MRTFB: variants seen among roughly 807,000 people sequenced by gnomAD.
MRTFB encodes the protein myocardin-related transcription factor B.
A neutral mutation model predicts 104.2 loss-of-function variants in MRTFB; 29 were observed. That is an observed-to-expected ratio of 0.28 (90% confidence interval 0.21 to 0.38). MRTFB has a LOEUF of 0.38. Ranked by LOEUF, MRTFB falls within the 10% of genes least tolerant of loss-of-function variation. The probability of loss-of-function intolerance (pLI) is 1.00; values close to 1 mark genes in which losing one functional copy is unlikely to be tolerated. For missense variants in MRTFB, 1,270 were observed against 1,341.6 expected (o/e 0.95, Z 0.83); for synonymous variants, 535 against 519.5 (o/e 1.03, Z -0.41).
intron 2 of MRTFB, among the ~76,000 whole-genome samples, chr16:14,086,256 C>A (rs960173019): frequency 1.6e-4 from 25 of 152,248 alleles, no homozygotes; most frequent in Non-Finnish European, 3.1e-4. Flanking sequence ...CCAAACTAAA[C>A]AAAGAAGATA....
intron 3 of MRTFB, chr16:14,142,076 T>C (rs2038032004): frequency 6.6e-6 from 1 of 151,994 alleles, no homozygotes; most frequent in Non-Finnish European, 1.5e-5. Flanking sequence ...TCTGACCTTG[T>C]GATCCACCCG....
chr16:14,186,949 T>A (rs1372521555), intron 3 of MRTFB: 1 of 1,598,234 alleles, frequency 6.3e-7, no homozygotes, highest in East Asian at 2.2e-5. Flanking sequence ...CAACAGGGCT[T>A]CCCAGAGATT....
intron 2 of MRTFB, among the ~76,000 whole-genome samples, chr16:14,084,861 T>C (rs887671570): frequency 6.6e-6 from 1 of 152,230 alleles, no homozygotes; most frequent in Admixed American, 6.5e-5. Flanking sequence ...AACTTTGTCA[T>C]TGACCTATGG....
At chr16:14,252,044 T>C (rs30144) in intron 14 of MRTFB, 21 bp downstream of exon 14, 239,745 of 1,610,672 alleles carry the variant, frequency 0.15, 36,852 homozygotes, top group African/African-American at 0.79. Flanking sequence ...GAGGCTTGTG[T>C]GTCAGTGACA....
chr16:14,053,784 T>C, the MRTFB span, among the ~76,000 whole-genome samples: 43 of 151,398 alleles, frequency 2.8e-4, 1 homozygote, highest in South Asian at 2.9e-3. Flanking sequence ...TGGTCCTAGC[T>C]ACTCAAGAGG....
intron 3 of MRTFB, among the ~76,000 whole-genome samples, chr16:14,148,461 T>C (rs987297868): frequency 8.5e-5 from 13 of 152,238 alleles, no homozygotes; most frequent in African/African-American, 3.1e-4. Context: ...ACTTAGCTTG[T>C]ATTTTAAGAC....
At chr16:14,218,767 C>T in intron 7 of MRTFB, 53 bp from the exon 8 acceptor site, 4 of 1,508,760 alleles carry the variant, frequency 2.7e-6, no homozygotes, top group Non-Finnish European at 2.7e-6. Context: ...TCACATTAAG[C>T]TTGGTATTCC....
chr16:14,007,006 G>T, the MRTFB span, among the ~76,000 whole-genome samples: 1 of 152,188 alleles, frequency 6.6e-6, no homozygotes, highest in Non-Finnish European at 1.5e-5. Flanking sequence ...AACAGAGTGA[G>T]ACCCTGTCTA....
intron 1 of MRTFB, among the ~76,000 whole-genome samples, chr16:14,075,876 G>A (rs1476856546): frequency 1.3e-5 from 2 of 152,076 alleles, no homozygotes; most frequent in East Asian, 1.9e-4. Context: ...TTCTTTTTGC[G>A]AGGTGCTTTT....
At chr16:14,004,355 C>G in the MRTFB span, among the ~76,000 whole-genome samples, 1 of 152,168 alleles carries the variant, frequency 6.6e-6, no homozygotes, top group Admixed American at 6.5e-5. Flanking sequence ...CAGATGGGGC[C>G]TCAAGGGATC....
At chr16:14,140,977 G>A (rs897415037) in intron 3 of MRTFB, 3 of 489,816 alleles carry the variant, frequency 6.1e-6, no homozygotes, top group Admixed American at 3.4e-5. Context: ...TGGTAGTGAC[G>A]TTACCTTTGG....
At chr16:14,029,911 C>T in the MRTFB span, among the ~76,000 whole-genome samples, 2 of 152,022 alleles carry the variant, frequency 1.3e-5, no homozygotes, top group Admixed American at 6.5e-5. Context: ...TGGGCCCCAG[C>T]GTTCCAGGCT....
At chr16:14,242,870 A>T (rs550687602) in intron 10 of MRTFB, among the ~76,000 whole-genome samples, 2 of 152,328 alleles carry the variant, frequency 1.3e-5, no homozygotes, top group East Asian at 3.9e-4. Context: ...CAACAGGAAA[A>T]AAAAAACATC....
chr16:14,021,807 A>T, the MRTFB span, among the ~76,000 whole-genome samples: 2 of 152,066 alleles, frequency 1.3e-5, no homozygotes, highest in African/African-American at 2.4e-5. Context: ...CAGTTTCTTT[A>T]TCCACTCATT....
the MRTFB span, among the ~76,000 whole-genome samples, chr16:14,013,963 C>G: frequency 6.6e-6 from 1 of 152,154 alleles, no homozygotes; most frequent in Admixed American, 6.5e-5. Context: ...ATTGTAACCC[C>G]TTGTTAGTTT....
intron 13 of MRTFB, among the ~76,000 whole-genome samples, 161 bp from the exon 14 acceptor site, chr16:14,251,701 G>A (rs1037704505): frequency 6.6e-6 from 1 of 152,232 alleles, no homozygotes; most frequent in African/African-American, 2.4e-5. Context: ...GCAGAGCCAA[G>A]TGGTAACAAC....
At chr16:14,132,524 T>G (rs777522898) in intron 2 of MRTFB, among the ~76,000 whole-genome samples, 4 of 152,230 alleles carry the variant, frequency 2.6e-5, no homozygotes, top group Non-Finnish European at 5.9e-5. Flanking sequence ...AAAGTGCTTT[T>G]GTGAAACTCT....
At chr16:14,145,422 T>C (rs2038261333) in intron 3 of MRTFB, among the ~76,000 whole-genome samples, 1 of 152,200 alleles carries the variant, frequency 6.6e-6, no homozygotes, top group African/African-American at 2.4e-5. Context: ...AAATACACTT[T>C]ACAAGGAAAA....
At position 14,090,879 on chromosome 16, in the gene MRTFB, G is replaced by GGTGTGTGTGTGTGTGTGT. The variant is rs55685117; in HGVS notation, c.-64+11550_-64+11567dup. ...CAGGTTTTCAAAATCAGTTCAGCAT[G>GGTGTGTGTGTGTGTGTGT]GTGTGTGTGTGTGTGTGTGTGTGTG... On this transcript the variant is annotated intron_variant, in intron 2 of 16. Coordinates refer to ENST00000571589, the MANE Select transcript of MRTFB (RefSeq NM_001308142.2). Among the ~76,000 whole-genome samples the GGTGTGTGTGTGTGTGTGT allele has an allele frequency of 2.5e-4, 35 of 141,784 alleles. No homozygotes were observed. The East Asian group carries it at 5.0e-3, about 20-fold the overall frequency. 93.0% of individuals were successfully genotyped at this position (141,784 alleles called of 152,430 possible). A position where few individuals can be genotyped will look rare whatever the true frequency, so the allele number is the denominator to read the frequency against.
Sources: gnomAD v4.1 joint callset for allele counts (sites outside exome capture counted in the v4.1 genomes callset) on GRCh38, gnomAD v4.1.1 for gene constraint, MANE v1.5 for transcripts, NCBI Gene and HGNC (gene_info 2026-07-23, HGNC 2026-07-21) for gene names.